Variants in ANK3 observed in about 807,000 individuals in gnomAD.
The protein encoded by ANK3 is ankyrin-3.
In ANK3, 57 loss-of-function variants were observed where a neutral mutation model predicts 370.9. That is an observed-to-expected ratio of 0.15 (90% CI 0.12 to 0.19). The LOEUF is 0.19. Ranked by LOEUF, ANK3 falls within the 10% of genes least tolerant of loss-of-function variation. The probability of loss-of-function intolerance (pLI) is 1.00; values close to 1 mark genes in which losing one functional copy is unlikely to be tolerated. For synonymous variants in ANK3, 1,929 were observed against 1,946.3 expected, an observed-to-expected ratio of 0.99 and a Z score of 0.23; for missense variants, 4,439 against 5,302.1, an observed-to-expected ratio of 0.84 and a Z score of 5.06.
Position 60,230,029 on chromosome 10 carries a change from C to T in ANK3, c.897+4659G>A, listed in dbSNP as rs78005691. ...GCAATGAGAGTATTGTTATTACCAACACTACCGGGGATTCTGCATCTTCTC... is the reference window on the plus strand; with the variant it reads ...GCAATGAGAGTATTGTTATTACCAATACTACCGGGGATTCTGCATCTTCTC... On this transcript the variant is annotated intron_variant, in intron 8 of 43. Transcript: ENST00000280772. Among the ~76,000 whole-genome samples, 214 of 152,266 alleles carry T rather than the reference C, an allele frequency of 1.4e-3. 1 individual carries two copies. The highest frequency in any genetic ancestry group is 4.8e-3 in the African/African-American group (199 of 41,564).
At position 60,337,012 on chromosome 10, in the gene ANK3, C is replaced by T. The variant is rs190206282; in HGVS notation, c.114+52413G>A. Among the ~76,000 whole-genome samples, 841 of 130,986 alleles carry T rather than the reference C, an allele frequency of 6.4e-3. 4 individuals are homozygous for T. Among genetic ancestry groups the T allele is most frequent in the Non-Finnish European group, 0.011 (664 of 60,534 alleles). The allele number at this position is 130,986 out of a possible 152,430, so 85.9% of individuals were successfully genotyped here. ...GAATTGCTGCTCAGTGGCTTGTCATCAAGAAAAAGGCTTTAAAAAAAAAAA... is the reference window on the plus strand; with the variant it reads ...GAATTGCTGCTCAGTGGCTTGTCATTAAGAAAAAGGCTTTAAAAAAAAAAA... On this transcript the variant is annotated intron_variant, in intron 1 of 43. Coordinates refer to ENST00000280772, the MANE Select transcript of ANK3 (RefSeq NM_020987.5).
chr10:60,389,374 T>C, intron 1 of ANK3, 51 bp downstream of exon 1: 2 of 1,562,334 alleles, frequency 1.3e-6, no homozygotes, highest in Non-Finnish European at 1.8e-6. Flanking sequence ...CAGAGGGAGA[T>C]TAAAACAAAA....
chr10:60,153,552 T>A (rs2095230508), intron 23 of ANK3, among the ~76,000 whole-genome samples: 1 of 152,162 alleles, frequency 6.6e-6, no homozygotes. Flanking sequence ...AAAGACACTA[T>A]TTTCAAGGGG....
intron 24 of ANK3, chr10:60,137,374 G>GAAAAAAA (rs201151245): frequency 0.086 from 13,999 of 162,814 alleles, 1,392 homozygotes; most frequent in Non-Finnish European, 0.12. Context: ...GTAATTTTAG[G>GAAAAAAA]AAAAAAAAAA....
In ANK3 at chr10:60,069,277, C is replaced by A. The variant is rs748980465; in HGVS notation, c.11604G>T (p.Lys3868Asn). The change falls in exon 37 of 44, where the codon AAG (lysine) becomes AAT (asparagine). Residue 3868 changes from lysine to asparagine, a missense_variant. By Grantham distance (94) the Lys-to-Asn change is moderately conservative. Transcript: ENST00000280772. ...GGAAGGTATCTTTTGGTGAAGTGGC[C>A]TTTATGGGAAGTTTGGATTTTTGCC... The part of the protein sequence containing the change: ...GIRQKSKLPI[K>N]ATSPKDTFPP... 47 of 1,614,056 alleles carry A rather than the reference C, an allele frequency of 2.9e-5. No individual in the cohort carries two copies. Among genetic ancestry groups the A allele is most frequent in the Non-Finnish European group, 3.8e-5 (45 of 1,180,000 alleles).
At chr10:60,370,866 A>T (rs1022082195) in intron 1 of ANK3, among the ~76,000 whole-genome samples, 1 of 152,178 alleles carries the variant, frequency 6.6e-6, no homozygotes, top group Non-Finnish European at 1.5e-5. Context: ...AACATTTCTT[A>T]CTTTGCAAAC....
intron 23 of ANK3, chr10:60,144,248 G>C (rs1286344005): frequency 2.3e-6 from 1 of 429,604 alleles, no homozygotes; most frequent in Non-Finnish European, 4.6e-6. Context: ...GAAATGACAA[G>C]GTCCAAAGGT....
At chr10:60,255,950 G>A (rs2097728347) in intron 7 of ANK3, among the ~76,000 whole-genome samples, 1 of 152,158 alleles carries the variant, frequency 6.6e-6, no homozygotes, top group Non-Finnish European at 1.5e-5. Context: ...CTGGTAAAGG[G>A]GTTCCCACTT....
At chr10:60,170,006 G>A (rs545865662) in intron 21 of ANK3, among the ~76,000 whole-genome samples, 10 of 152,256 alleles carry the variant, frequency 6.6e-5, no homozygotes, top group African/African-American at 2.4e-4. Flanking sequence ...CTTAGATTCA[G>A]CCATTTCTCC....
chr10:60,537,081 A>G (rs2076742207), intron 2 of ANK3, among the ~76,000 whole-genome samples: 1 of 152,064 alleles, frequency 6.6e-6, no homozygotes, highest in Non-Finnish European at 1.5e-5. Context: ...AAAAAATGTC[A>G]AAAAATTCAC....
intron 8 of ANK3, among the ~76,000 whole-genome samples, chr10:60,224,923 T>C (rs10994260): frequency 1.8e-4 from 25 of 142,066 alleles, no homozygotes; most frequent in Non-Finnish European, 3.0e-4. Context: ...CTTTTTTTTT[T>C]CTTTTTTTTT....
chr10:60,621,539 G>A (rs914612615), intron 1 of ANK3, among the ~76,000 whole-genome samples: 1 of 152,052 alleles, frequency 6.6e-6, no homozygotes, highest in Admixed American at 6.6e-5. Context: ...ACTCTCCTGG[G>A]GTCGTGTAAT....
intron 2 of ANK3, among the ~76,000 whole-genome samples, chr10:60,613,419 C>T (rs2078226749): frequency 6.6e-6 from 1 of 152,142 alleles, no homozygotes; most frequent in African/African-American, 2.4e-5. Context: ...TAACGTATGG[C>T]TCCATTTTTA....
At chr10:60,173,349 A>G (rs1420403033) in intron 18 of ANK3, among the ~76,000 whole-genome samples, 163 bp from the exon 19 acceptor site, 2 of 152,178 alleles carry the variant, frequency 1.3e-5, no homozygotes, top group African/African-American at 2.4e-5. Context: ...AATTCTCAGC[A>G]TAAGACTTAG....
intron 2 of ANK3, chr10:60,572,381 T>C (rs1403041033): frequency 3.0e-6 from 4 of 1,339,300 alleles, no homozygotes; most frequent in Non-Finnish European, 4.0e-6. Context: ...CTAAAGCCAA[T>C]CTCTTAAAAA....
intron 1 of ANK3, among the ~76,000 whole-genome samples, chr10:60,360,897 T>C (rs1594483045): frequency 6.6e-6 from 1 of 152,036 alleles, no homozygotes; most frequent in South Asian, 2.1e-4. Context: ...GATCTACCCA[T>C]GAAAGAAAAA....
At position 60,367,103 on chromosome 10, in the gene ANK3, C is replaced by T. The variant is rs1206307029; in HGVS notation, c.114+22322G>A. Reference sequence around the variant, plus strand: ...ACTTAAGTTAACAGAGGCAGAAATACCACAAACATGAAGTCTTCAGGGAGA... The same window carrying T: ...ACTTAAGTTAACAGAGGCAGAAATATCACAAACATGAAGTCTTCAGGGAGA... On this transcript the variant is annotated intron_variant, in intron 1 of 43. Transcript: ENST00000280772. Among the ~76,000 whole-genome samples, 5 of 152,244 alleles carry T rather than the reference C, an allele frequency of 3.3e-5. 1 individual carries two copies. The highest frequency in any genetic ancestry group is 3.3e-4 in the Admixed American group (5 of 15,286).
intron 43 of ANK3, among the ~76,000 whole-genome samples, chr10:60,037,783 A>G (rs985140060): frequency 1.3e-4 from 20 of 152,198 alleles, no homozygotes; most frequent in African/African-American, 4.8e-4. Context: ...TGATAGAACA[A>G]TTTATATTCC....
chr10:60,681,559 C>T (rs2079195394), intron 1 of ANK3, among the ~76,000 whole-genome samples: 1 of 152,216 alleles, frequency 6.6e-6, no homozygotes, highest in Admixed American at 6.5e-5. Context: ...GCAGCCTTCC[C>T]TTCCTATCCA....
Sources: gnomAD v4.1 joint callset for allele counts (sites outside exome capture counted in the v4.1 genomes callset) on GRCh38, gnomAD v4.1.1 for gene constraint, MANE v1.5 for transcripts, NCBI Gene and HGNC (gene_info 2026-07-23, HGNC 2026-07-21) for gene names.